Variants in GTF2I observed in about 807,000 individuals in gnomAD.
GTF2I encodes general transcription factor II-I.
GTF2I carries 12 observed loss-of-function variants against 67.6 expected under a neutral mutation model. The observed-to-expected ratio is 0.18, with a 90% CI of 0.11 to 0.29. The LOEUF (loss-of-function observed/expected upper bound fraction) is 0.29, where lower values mean the gene tolerates loss of function less well. GTF2I is among the 10% of genes least tolerant of loss of function. The pLI, the probability that GTF2I is intolerant of heterozygous loss-of-function variation, is 1.00. For missense variants in GTF2I, 271 were observed against 580.1 expected, an observed-to-expected ratio of 0.47 and a Z score of 5.47; for synonymous variants, 149 against 197.0, an observed-to-expected ratio of 0.76 and a Z score of 2.04.
At chr7:74,711,305 A>T (rs910761030) in intron 9 of GTF2I, among the ~76,000 whole-genome samples, 196 bp downstream of exon 9, 1 of 152,126 alleles carries the variant, frequency 6.6e-6, no homozygotes, top group Non-Finnish European at 1.5e-5. Context: ...TCCAGAGGGG[A>T]TATGTAAAAT....
In GTF2I at chr7:74,690,948, A is replaced by G. The variant is rs782819451; in HGVS notation, c.100-25A>G. On this transcript the variant is annotated intron_variant, in intron 2 of 34. Transcript: ENST00000573035. ...ATGCTCTTAAACGTCCGCCTGTAAC[A>G]TGATGTTTGCTGTTTGTATTGTAGT... The G allele has an allele frequency of 1.3e-5, 20 of 1,599,194 alleles. No individual in the cohort carries two copies. The East Asian group carries it at 3.8e-4, about 30-fold the overall frequency.
At chr7:74,673,905 T>C (rs1451013462) in intron 1 of GTF2I, among the ~76,000 whole-genome samples, 2 of 150,234 alleles carry the variant, frequency 1.3e-5, no homozygotes, top group Non-Finnish European at 3.0e-5. Flanking sequence ...GGTCTAGATC[T>C]CTTGACCTCG....
At chr7:74,712,487 AGTGT>A (rs142200093) in intron 9 of GTF2I, among the ~76,000 whole-genome samples, 43,544 of 131,246 alleles carry the variant, frequency 0.33, 7,783 homozygotes, top group East Asian at 0.52. Context: ...TTCTCCCGGG[AGTGT>A]GTGTGTGTGT....
chr7:74,714,409 T>C (rs374353885), intron 9 of GTF2I, among the ~76,000 whole-genome samples: 8 of 152,252 alleles, frequency 5.3e-5, no homozygotes, highest in African/African-American at 1.7e-4. Context: ...AAGGAAGGTA[T>C]ATAACATTTG....
chr7:74,679,675 C>T (rs587603287), intron 1 of GTF2I, among the ~76,000 whole-genome samples: 5 of 151,922 alleles, frequency 3.3e-5, no homozygotes, highest in South Asian at 2.1e-4. Flanking sequence ...AGACCTCAAG[C>T]GATCCTCCTA....
intron 13 of GTF2I, among the ~76,000 whole-genome samples, chr7:74,729,812 C>T (rs1349565717): frequency 6.6e-6 from 1 of 151,844 alleles, no homozygotes; most frequent in African/African-American, 2.4e-5. Context: ...ACTATATATC[C>T]GTAAAGTCTT....
chr7:74,670,417 C>T (rs910745646), intron 1 of GTF2I, among the ~76,000 whole-genome samples: 3 of 152,104 alleles, frequency 2.0e-5, no homozygotes, highest in Non-Finnish European at 4.4e-5. Flanking sequence ...TAAAGATTGT[C>T]GGGTGTGGGT....
intron 8 of GTF2I, among the ~76,000 whole-genome samples, chr7:74,709,307 C>T (rs1554402119): frequency 2.6e-5 from 4 of 152,024 alleles, no homozygotes; most frequent in East Asian, 1.9e-4. Flanking sequence ...GGAGTGCAGT[C>T]GTGCGATCTC....
chr7:74,719,647 C>T (rs898340210), intron 12 of GTF2I, among the ~76,000 whole-genome samples: 5 of 152,140 alleles, frequency 3.3e-5, no homozygotes, highest in Admixed American at 6.5e-5. Flanking sequence ...CAGCTGGGCA[C>T]GGTGGCTCAC....
intron 1 of GTF2I, among the ~76,000 whole-genome samples, chr7:74,680,025 G>A (rs1281809489): frequency 1.5e-5 from 2 of 136,610 alleles, no homozygotes; most frequent in African/African-American, 5.4e-5. Context: ...GTTGCAATGA[G>A]CTGAGATCAC....
chr7:74,748,864 T>TC (rs1554409557), intron 24 of GTF2I, among the ~76,000 whole-genome samples, 161 bp from the exon 25 acceptor site: 1 of 149,972 alleles, frequency 6.7e-6, no homozygotes, highest in Non-Finnish European at 1.5e-5. Context: ...TGAGCAGAGA[T>TC]CGCACCATTG....
At chr7:74,689,346 T>TA in intron 2 of GTF2I, 119 bp downstream of exon 2, 9 of 430,514 alleles carry the variant, frequency 2.1e-5, no homozygotes, top group Non-Finnish European at 2.5e-5. Flanking sequence ...ACTTTTTCTT[T>TA]ACTTTTTTTT....
chr7:74,710,675 G>A (rs868989909), intron 8 of GTF2I, among the ~76,000 whole-genome samples: 1 of 152,110 alleles, frequency 6.6e-6, no homozygotes, highest in African/African-American at 2.4e-5. Flanking sequence ...GGAATACTGA[G>A]TTATTAAAAC....
At chr7:74,681,222 G>A (rs1473438416) in intron 1 of GTF2I, among the ~76,000 whole-genome samples, 2 of 152,030 alleles carry the variant, frequency 1.3e-5, no homozygotes, top group African/African-American at 2.4e-5. Flanking sequence ...ATCACCTGAC[G>A]TCAGTAGTTC....
intron 4 of GTF2I, 139 bp downstream of exon 4, chr7:74,699,234 T>G (rs1392518155): frequency 4.2e-5 from 18 of 427,924 alleles, no homozygotes; most frequent in Non-Finnish European, 7.0e-5. Flanking sequence ...CCTTACTTTC[T>G]TCCACTTCCA....
In GTF2I at chr7:74,730,258, C is replaced by T. The variant is rs1794336980; in HGVS notation, c.1084C>T (p.Arg362Cys). ...EKWNARITDL[R>C]KQVEELFERK... ...ATGGAATGCTCGCATCACTGATCTACGTAAACAAGTTGAAGAATTGTTTGA... is the reference window on the plus strand; with the variant it reads ...ATGGAATGCTCGCATCACTGATCTATGTAAACAAGTTGAAGAATTGTTTGA... Residue 362 changes from arginine (R) to cysteine (C), a missense_variant, in exon 14 of 35, where the codon CGT becomes TGT. By Grantham distance (180) the Arg-to-Cys change is radical (BLOSUM62 -3). Transcript: ENST00000573035. The T allele has an allele frequency of 1.0e-5, 2 of 194,460 alleles. No homozygotes were observed. The highest frequency in any genetic ancestry group is 9.0e-5 in the African/African-American group (1 of 11,136). 12.0% of individuals were successfully genotyped at this position (194,460 alleles called of 1,614,324 possible).
At chr7:74,676,296 A>G (rs587706003) in intron 1 of GTF2I, among the ~76,000 whole-genome samples, 1 of 152,268 alleles carries the variant, frequency 6.6e-6, no homozygotes, top group Non-Finnish European at 1.5e-5. Flanking sequence ...TACCTTAAAC[A>G]TGTTCTCATT....
chr7:74,724,632 A>C (rs1793524989), intron 12 of GTF2I, among the ~76,000 whole-genome samples: 1 of 152,184 alleles, frequency 6.6e-6, no homozygotes. Flanking sequence ...TTGCATATTA[A>C]AATATCTTAA....
intron 1 of GTF2I, among the ~76,000 whole-genome samples, chr7:74,681,458 G>T (rs929102634): frequency 2.7e-5 from 4 of 150,412 alleles, no homozygotes; most frequent in African/African-American, 9.7e-5. Flanking sequence ...AAGAAAAAAA[G>T]AAAAAAAAAT....
Sources: allele counts gnomAD v4.1 joint callset (sites outside exome capture counted in the v4.1 genomes callset), GRCh38; gene constraint gnomAD v4.1.1; transcripts MANE v1.5; gene names NCBI Gene and HGNC (gene_info 2026-07-23, HGNC 2026-07-21).